SPRR2F: variants seen among roughly 807,000 people sequenced by gnomAD.
The protein encoded by SPRR2F is small proline-rich protein 2F.
In SPRR2F, 2 loss-of-function variants were observed where a neutral mutation model predicts 0.8. The observed-to-expected ratio is 2.52, with a 90% confidence interval of 1.03 to 7.95. The LOEUF (loss-of-function observed/expected upper bound fraction) is 7.95, where lower values mean the gene tolerates loss of function less well. Among genes scored for constraint, SPRR2F ranks in the 30% most tolerant of loss-of-function variants. The probability of loss-of-function intolerance (pLI) is 0.04; values close to 1 mark genes in which losing one functional copy is unlikely to be tolerated. For missense variants in SPRR2F, 80 were observed against 85.8 expected (o/e 0.93, Z 0.27); for synonymous variants, 39 against 33.4 (o/e 1.17, Z -0.58).
rs1655599309 is a variant in SPRR2F at position 153,112,153 on chromosome 1, A to G, written c.*362T>C. On this transcript the variant is annotated 3_prime_UTR_variant, in exon 2 of 2. Transcript: ENST00000468739. ...ATAGATTCTTTATTCAGGGAGTGAA[A>G]GGAAAGTGACAACTGCACAGGTGGT... 2.9e-6 allele frequency: 1 copy of G among 349,466 alleles called. No homozygotes were observed. The highest frequency in any genetic ancestry group is 2.1e-5 in the African/African-American group (1 of 47,686). 21.6% of individuals were successfully genotyped at this position (349,466 alleles called of 1,614,324 possible).
chr1:153,112,867 C>T (rs1006449228), intron 1 of SPRR2F, 115 bp from the exon 2 acceptor site: 2 of 1,475,712 alleles, frequency 1.4e-6, no homozygotes, highest in African/African-American at 1.4e-5. Context: ...ATTATTTAAA[C>T]TCTTAATTCC....
At chr1:153,113,317 A>T (rs1413594843) in intron 1 of SPRR2F, among the ~76,000 whole-genome samples, 157 bp downstream of exon 1, 2 of 152,248 alleles carry the variant, frequency 1.3e-5, no homozygotes, top group East Asian at 3.8e-4. Flanking sequence ...AAAGAAAGCT[A>T]AAATAGCATA....
chr1:153,112,318 TG>T lies in SPRR2F; in HGVS notation c.*196del. ...GGACTTCCTTTGCTCAGTCTCCACC[TG>T]GACAGTGGCAGTATGGCAGCCTCAA... On this transcript the variant is annotated 3_prime_UTR_variant, in exon 2 of 2. Transcript: ENST00000468739. 2 of 1,050,112 alleles carry T rather than the reference TG, an allele frequency of 1.9e-6. No individual in the cohort carries two copies. The highest frequency in any genetic ancestry group is 2.7e-6 in the Non-Finnish European group (2 of 739,142). 65.0% of individuals were successfully genotyped at this position (1,050,112 alleles called of 1,614,324 possible).
At chr1:153,115,354 T>C (rs1292813443), upstream of SPRR2F, among the ~76,000 whole-genome samples, 1 of 152,184 alleles carries the variant, frequency 6.6e-6, no homozygotes, top group South Asian at 2.1e-4. Context: ...AAATGTCTGA[T>C]TTCTAACATG....
upstream of SPRR2F, among the ~76,000 whole-genome samples, chr1:153,115,665 C>T (rs1655709146): frequency 6.6e-6 from 1 of 152,130 alleles, no homozygotes; most frequent in South Asian, 2.1e-4. Context: ...CTGAGACATG[C>T]AGCAAGGCAT....
In SPRR2F at chr1:153,112,467, G is replaced by C. The variant is rs777672273; in HGVS notation, c.*48C>G. The C allele has an allele frequency of 6.3e-7, 1 of 1,576,450 alleles. No homozygotes were observed. The highest frequency in any genetic ancestry group is 1.7e-5 in the Admixed American group (1 of 57,606). On this transcript the variant is annotated 3_prime_UTR_variant, in exon 2 of 2. Transcript: ENST00000468739. The stretch of plus-strand genomic sequence containing the variant: ...TGCAGGTGGAGCTGTGGAACGAGGT[G>C]AGCCAATTATCCTTATCCTTTCATG...
Position 153,112,155 on chromosome 1 carries a change from G to A in SPRR2F, c.*360C>T, listed in dbSNP as rs1408532506. On this transcript the variant is annotated 3_prime_UTR_variant, in exon 2 of 2. Coordinates refer to ENST00000468739, the MANE Select transcript of SPRR2F (RefSeq NM_001014450.3). Reference sequence around the variant, plus strand: ...AGATTCTTTATTCAGGGAGTGAAAGGAAAGTGACAACTGCACAGGTGGTGG... The same window carrying A: ...AGATTCTTTATTCAGGGAGTGAAAGAAAAGTGACAACTGCACAGGTGGTGG... 2.6e-5 allele frequency: 9 copies of A among 351,944 alleles called. No homozygotes were observed. The highest frequency in any genetic ancestry group is 3.6e-5 in the Non-Finnish European group (7 of 195,120). The allele number at this position is 351,944 out of a possible 1,614,324, so 21.8% of individuals were successfully genotyped here. A position where few individuals can be genotyped will look rare whatever the true frequency, so the allele number is the denominator to read the frequency against.
rs764529156 is a variant in SPRR2F, at chr1:153,112,288, G to A, written c.*227C>T. 6.5e-6 allele frequency: 5 copies of A among 765,998 alleles called. No individual in the cohort carries two copies. The highest frequency in any genetic ancestry group is 1.0e-5 in the Non-Finnish European group (5 of 500,394). 47.5% of individuals were successfully genotyped at this position (765,998 alleles called of 1,614,324 possible). A position where few individuals can be genotyped will look rare whatever the true frequency, so the allele number is the denominator to read the frequency against. On this transcript the variant is annotated 3_prime_UTR_variant, in exon 2 of 2. Transcript: ENST00000468739. ...TTCTGAAGCTCTGGGAGCTGGCACA[G>A]CCCAGGACTTCCTTTGCTCAGTCTC...
At chr1:153,113,687 C>T (rs185133690), upstream of SPRR2F, among the ~76,000 whole-genome samples, 364 of 152,296 alleles carry the variant, frequency 2.4e-3, 2 homozygotes, top group Middle Eastern at 0.01. Context: ...TGGGATCTCC[C>T]CACTGGGTTA....
chr1:153,112,641 C>T lies in SPRR2F; in HGVS notation c.93G>A (p.Lys31=). The T allele has an allele frequency of 6.2e-7, 1 of 1,612,546 alleles. No individual in the cohort carries two copies. The highest frequency in any genetic ancestry group is 8.5e-7 in the Non-Finnish European group (1 of 1,179,838). The change falls in exon 2 of 2, where the codon AAG becomes AAA. Residue 31 remains lysine (K), a synonymous_variant. Transcript: ENST00000468739. ...TTGATGGTGGGCAGGGCTCAGGGCACTTCGGGGGTGGACATGGCTCTGGGC... is the reference window on the plus strand; with the variant it reads ...TTGATGGTGGGCAGGGCTCAGGGCATTTCGGGGGTGGACATGGCTCTGGGC... ...PKCPEPCPPP[K]CPEPCPPSKC...
At chr1:153,116,916 C>A (rs550264402), upstream of SPRR2F, among the ~76,000 whole-genome samples, 1 of 152,012 alleles carries the variant, frequency 6.6e-6, no homozygotes, top group South Asian at 2.1e-4. Context: ...TAGTACCTAC[C>A]ATTAAATTGT....
chr1:153,112,668 C>T lies in SPRR2F; in HGVS notation c.66G>A (p.Lys22=). The T allele has an allele frequency of 6.2e-6, 10 of 1,612,386 alleles. No individual in the cohort carries two copies. The East Asian group carries it at 2.2e-4, about 36-fold the overall frequency. ...CQPPPVCPAP[K]CPEPCPPPKC... ...TCGGGGGTGGACATGGCTCTGGGCA[C>T]TTTGGCGCGGGGCACACAGGAGGTG... Residue 22 remains lysine (K), a synonymous_variant, in exon 2 of 2, where the codon AAG becomes AAA. Coordinates refer to ENST00000468739, the MANE Select transcript of SPRR2F (RefSeq NM_001014450.3).
upstream of SPRR2F, among the ~76,000 whole-genome samples, chr1:153,117,496 A>C (rs976714806): frequency 1.3e-5 from 2 of 152,058 alleles, no homozygotes; most frequent in African/African-American, 4.8e-5. Flanking sequence ...CAGGACAATA[A>C]AAAATTCTCT....
chr1:153,114,569 G>A (rs1230940481), upstream of SPRR2F, among the ~76,000 whole-genome samples: 1 of 152,062 alleles, frequency 6.6e-6, no homozygotes, highest in Admixed American at 6.5e-5. Flanking sequence ...CTGAAATCTG[G>A]GGGAAAATAC....
intron 1 of SPRR2F, among the ~76,000 whole-genome samples, 165 bp from the exon 2 acceptor site, chr1:153,112,917 A>C (rs1024531325): frequency 6.6e-6 from 1 of 152,218 alleles, no homozygotes; most frequent in African/African-American, 2.4e-5. Context: ...CACTTCAGCG[A>C]ATTACTTCAT....
intron 1 of SPRR2F, among the ~76,000 whole-genome samples, chr1:153,112,954 C>T (rs1210235555): frequency 6.6e-6 from 1 of 152,168 alleles, no homozygotes; most frequent in Non-Finnish European, 1.5e-5. Flanking sequence ...TGTGTTTTCT[C>T]ATATAATTTT....
At position 153,112,606 on chromosome 1, in the gene SPRR2F, T is replaced by C; in HGVS notation, c.128A>G (p.Gln43Arg). The change falls in exon 2 of 2, where the codon CAG (glutamine) becomes CGG (arginine). Residue 43 changes from glutamine to arginine, a missense_variant. By Grantham distance (43) the Gln-to-Arg change is conservative. Coordinates refer to ENST00000468739, the MANE Select transcript of SPRR2F (RefSeq NM_001014450.3). ...CTGGCACTGCTGAGGTGGGCAGGAC[T>C]GTGGACACTTTGATGGTGGGCAGGG... Reference protein sequence around the residue: ...PEPCPPSKCPQSCPPQQCQQK... With the variant: ...PEPCPPSKCPRSCPPQQCQQK... 6.2e-7 allele frequency: 1 copy of C among 1,612,824 alleles called. No homozygotes were observed. Among genetic ancestry groups the C allele is most frequent in the Non-Finnish European group, 8.5e-7 (1 of 1,179,828 alleles).
chr1:153,118,445 G>C (rs1655761292), upstream of SPRR2F, among the ~76,000 whole-genome samples: 2 of 152,052 alleles, frequency 1.3e-5, no homozygotes. Context: ...AACTATCAAA[G>C]AGAGAATATT....
upstream of SPRR2F, among the ~76,000 whole-genome samples, chr1:153,114,983 G>C (rs965973102): frequency 3.3e-5 from 5 of 152,168 alleles, no homozygotes; most frequent in Non-Finnish European, 5.9e-5. Context: ...AAGAGGAAGA[G>C]GAAAGACTCA....
Sources: gnomAD v4.1 joint callset for allele counts (sites outside exome capture counted in the v4.1 genomes callset) on GRCh38, gnomAD v4.1.1 for gene constraint, MANE v1.5 for transcripts, NCBI Gene and HGNC (gene_info 2026-07-23, HGNC 2026-07-21) for gene names.